The following INSRR variants were observed in gnomAD, a reference collection of about 807,000 sequenced individuals.
The protein encoded by INSRR is insulin receptor related receptor.
Under a neutral mutation model 130.0 loss-of-function variants are expected in INSRR, and 114 were observed. The observed-to-expected ratio is 0.88, with a 90% CI of 0.75 to 1.02. The LOEUF is 1.02. INSRR is among the 50% of genes least tolerant of loss of function. The pLI, the probability that INSRR is intolerant of heterozygous loss-of-function variation, is 0.00. For synonymous variants in INSRR, 674 were observed against 705.2 expected (o/e 0.96, Z 0.70); for missense variants, 1,657 against 1,735.2 (o/e 0.95, Z 0.80).
Position 156,853,888 on chromosome 1 carries a change from G to A in INSRR, c.501C>T (p.Ile167=), listed in dbSNP as rs369512155. 26 of 1,614,044 alleles carry A rather than the reference G, an allele frequency of 1.6e-5. No homozygotes were observed. In the African/African-American group the frequency reaches 2.0e-4, roughly 12 times the overall value. Reference sequence around the variant, plus strand: ...ACTCCTCGCCCAGCTTGTTGCCCACGATGTGGTTGGCGCCAGGTGCTGGCT... The same window carrying A: ...ACTCCTCGCCCAGCTTGTTGCCCACAATGTGGTTGGCGCCAGGTGCTGGCT... ...LLQPAPGANH[I]VGNKLGEECA... is the part of the protein sequence containing the mutation. The change falls in exon 2 of 22, where the codon ATC becomes ATT. Residue 167 remains isoleucine, a synonymous_variant. Transcript: ENST00000368195.
chr1:156,857,531 A>T (rs1234714875), intron 1 of INSRR, among the ~76,000 whole-genome samples: 1 of 152,140 alleles, frequency 6.6e-6, no homozygotes, highest in African/African-American at 2.4e-5. Context: ...CTGTCCTGAC[A>T]ACCACACTCC....
intron 8 of INSRR, 105 bp downstream of exon 8, chr1:156,846,414 G>A: frequency 1.1e-6 from 1 of 932,592 alleles, no homozygotes; most frequent in South Asian, 1.6e-5. Flanking sequence ...CAGCCTCTGT[G>A]GGCCAGGTGT....
chr1:156,841,752 C>A lies in INSRR; in HGVS notation c.3440G>T (p.Arg1147Leu), dbSNP rs1039215180. The stretch of plus-strand genomic sequence containing the variant: ...GGGCAGCAGCCCCTTCCCACCCTTG[C>A]GGTAATAGTCTGTCTCATACACGTC... The part of the protein sequence containing the change: ...TRDVYETDYY[R>L]KGGKGLLPVR... The change falls in exon 20 of 22, where the codon CGC becomes CTC. Residue 1147 changes from arginine (R) to leucine (L), a missense_variant. Arg to Leu is a moderately radical substitution (Grantham distance 102). Coordinates refer to ENST00000368195, the MANE Select transcript of INSRR (RefSeq NM_014215.3). 5 of 1,613,990 alleles carry A rather than the reference C, an allele frequency of 3.1e-6. No homozygotes were observed. The Admixed American group carries it at 5.0e-5, about 16-fold the overall frequency.
At chr1:156,842,575 C>G (rs768683236) in intron 17 of INSRR, 67 bp from the exon 18 acceptor site, 32 of 1,167,388 alleles carry the variant, frequency 2.7e-5, no homozygotes, top group Non-Finnish European at 3.8e-5. Flanking sequence ...AAATTCTGAT[C>G]TGCTATGACC....
At chr1:156,843,309 C>G (rs1654870385) in intron 16 of INSRR, 76 bp from the exon 17 acceptor site, 6 of 1,566,078 alleles carry the variant, frequency 3.8e-6, no homozygotes, top group Non-Finnish European at 5.3e-6. Flanking sequence ...CTCTTCTCCT[C>G]TTCTGAAGGG....
chr1:156,843,258 A>G (rs1654867322), intron 16 of INSRR, 25 bp from the exon 17 acceptor site: 1 of 1,607,960 alleles, frequency 6.2e-7, no homozygotes, highest in East Asian at 2.2e-5. Flanking sequence ...AGGGTCACAA[A>G]GCGAGGATGC....
In INSRR at chr1:156,845,788, C is replaced by G. The variant is rs759296297; in HGVS notation, c.2005G>C (p.Asp669His). 8 of 1,612,942 alleles carry G rather than the reference C, an allele frequency of 5.0e-6. No individual in the cohort carries two copies. In the East Asian group the frequency reaches 1.8e-4, roughly 36 times the overall value. ...RGLRLPTSNN[D>H]PRFDGEDGDP... ...CCGTCTTCGCCGTCGAAGCGCGGAT[C>G]GTTGTTGCTGGTGGGCAGCCGCAAG... Residue 669 changes from aspartate (D) to histidine (H), a missense_variant, in exon 10 of 22, where the codon GAT (aspartate) becomes CAT (histidine). Coordinates refer to ENST00000368195, the MANE Select transcript of INSRR (RefSeq NM_014215.3).
At position 156,851,413 on chromosome 1, in the gene INSRR, T is replaced by C; in HGVS notation, c.1106A>G (p.Gln369Arg). The change falls in exon 5 of 22, where the codon CAG (glutamine) becomes CGG (arginine). Residue 369 changes from glutamine to arginine, a missense_variant. Transcript: ENST00000368195. ...RQGYNLEPQL[Q>R]HSLGLVETIT... Reference sequence around the variant, plus strand: ...GGTTTCTACCAGCCCCAGGCTGTGCTGCAGCTGTGGCTCCAGGTTGTCTAG... The same window carrying C: ...GGTTTCTACCAGCCCCAGGCTGTGCCGCAGCTGTGGCTCCAGGTTGTCTAG... 1 of 1,614,182 alleles carries C rather than the reference T, an allele frequency of 6.2e-7. No individual in the cohort carries two copies.
At chr1:156,843,738 T>C (rs1399649606) in intron 15 of INSRR, among the ~76,000 whole-genome samples, 1 of 152,220 alleles carries the variant, frequency 6.6e-6, no homozygotes, top group East Asian at 1.9e-4. Context: ...GCCAAGCTGA[T>C]CGAGGTCCAG....
rs558387343 is a variant in INSRR, at chr1:156,846,767, C to A, written c.1572-10G>T. 1.2e-6 allele frequency: 2 copies of A among 1,608,108 alleles called. No homozygotes were observed. Among genetic ancestry groups the A allele is most frequent in the African/African-American group, 2.7e-5 (2 of 74,896 alleles). ...GGCGTTCTGGAATGGGCTGAACACC[C>A]ATCCCCAGAGCTGAGGGGTCATTCA... On this transcript the variant is annotated splice_polypyrimidine_tract_variant and intron_variant, in intron 7 of 21. Transcript: ENST00000368195.
At chr1:156,858,289 T>C (rs539433641) in intron 1 of INSRR, among the ~76,000 whole-genome samples, 49 of 152,226 alleles carry the variant, frequency 3.2e-4, no homozygotes, top group Non-Finnish European at 6.3e-4. Context: ...GTTTCACTAG[T>C]AGGGACGGAA....
chr1:156,845,853 T>C (rs755710831), intron 9 of INSRR, 39 bp from the exon 10 acceptor site: 4 of 1,577,510 alleles, frequency 2.5e-6, no homozygotes, highest in Non-Finnish European at 3.4e-6. Context: ...AGACAGGCGG[T>C]CTACCCGCCT....
In INSRR at chr1:156,849,387, T is replaced by C. The variant is rs1655125079; in HGVS notation, c.1303A>G (p.Ile435Val). The change falls in exon 6 of 22, where the codon ATT becomes GTT. Residue 435 changes from isoleucine (I) to valine (V), a missense_variant. By Grantham distance (29) the Ile-to-Val change is conservative. Coordinates refer to ENST00000368195, the MANE Select transcript of INSRR (RefSeq NM_014215.3). ...LGSWVAAGLTIPVGKIYFAFN... is the reference protein window; with the variant it reads ...LGSWVAAGLTVPVGKIYFAFN... Reference sequence around the variant, plus strand: ...GCGAAGTAGATCTTGCCCACGGGAATGGTGAGCCCCGCGGCCACCCAGGAC... The same window carrying C: ...GCGAAGTAGATCTTGCCCACGGGAACGGTGAGCCCCGCGGCCACCCAGGAC... 1.2e-6 allele frequency: 2 copies of C among 1,612,754 alleles called. No individual in the cohort carries two copies. Among genetic ancestry groups the C allele is most frequent in the Non-Finnish European group, 1.7e-6 (2 of 1,179,724 alleles).
intron 17 of INSRR, 75 bp from the exon 18 acceptor site, chr1:156,842,583 AC>A: frequency 9.1e-7 from 1 of 1,101,876 alleles, no homozygotes; most frequent in Non-Finnish European, 1.4e-6. Context: ...ATCTGCTATG[AC>A]CACAGTCTGA....
rs1215089934 is a variant in INSRR, at chr1:156,845,280, G to A, written c.2233C>T (p.Arg745Cys). The change falls in exon 12 of 22, where the codon CGC (arginine) becomes TGC (cysteine). Residue 745 changes from arginine (R) to cysteine (C), a missense_variant. Transcript: ENST00000368195. ...AGCCGGAGGGGCCCAGCTGCCCGGC[G>A]GTGCCGCCCTGAGTCCCTGGGGAGA... ...KSPQRDSGRH[R>C]RAAGPLRLGG... 6.2e-7 allele frequency: 1 copy of A among 1,612,474 alleles called. No homozygotes were observed. Among genetic ancestry groups the A allele is most frequent in the Non-Finnish European group, 8.5e-7 (1 of 1,179,362 alleles).
In INSRR at chr1:156,845,741, C is replaced by G; in HGVS notation, c.2052G>C (p.Glu684Asp). The G allele has an allele frequency of 6.2e-7, 1 of 1,613,690 alleles. No homozygotes were observed. The highest frequency in any genetic ancestry group is 8.5e-7 in the Non-Finnish European group (1 of 1,179,928). Residue 684 changes from glutamate (E) to aspartate (D), a missense_variant, in exon 10 of 22, where the codon GAG becomes GAC. Coordinates refer to ENST00000368195, the MANE Select transcript of INSRR (RefSeq NM_014215.3). The stretch of plus-strand genomic sequence containing the variant: ...GGTGCTGGCAAGGGCAGCAGTCGGA[C>G]TCCATCTCGGCCTCAGGATCCCCGT... ...GEDGDPEAEM[E>D]SDCCPCQHPP...
At position 156,840,961 on chromosome 1, in the gene INSRR, C is replaced by A; in HGVS notation, c.3806G>T (p.Arg1269Leu). The change falls in exon 22 of 22, where the codon CGG (arginine) becomes CTG (leucine). Residue 1269 changes from arginine (R) to leucine (L), a missense_variant. Transcript: ENST00000368195. ...FYYSPECRGA[R>L]GSLPTTDAEP... ...TGCATCGGTGGTAGGCAGGGAGCCC[C>A]GGGCCCCCCGGCATTCCGGGCTGTA... is the stretch of plus-strand genomic sequence containing the variant. The A allele has an allele frequency of 6.2e-7, 1 of 1,613,834 alleles. No individual in the cohort carries two copies. Among genetic ancestry groups the A allele is most frequent in the Admixed American group, 1.7e-5 (1 of 59,992 alleles).
rs1385024665 is a variant in INSRR at position 156,845,213 on chromosome 1, A to C, written c.2300T>G (p.Val767Gly). 6.2e-7 allele frequency: 1 copy of C among 1,609,622 alleles called. No individual in the cohort carries two copies. The highest frequency in any genetic ancestry group is 1.1e-5 in the South Asian group (1 of 90,352). ...SSDFEIQEDK[V>G]PRERAVLSGL... ...GCTCAGCACCGCTCGCTCACGGGGCACCTTGTCCTCCTGGATCTCGAAATC... is the reference window on the plus strand; with the variant it reads ...GCTCAGCACCGCTCGCTCACGGGGCCCCTTGTCCTCCTGGATCTCGAAATC... The change falls in exon 12 of 22, where the codon GTG becomes GGG. Residue 767 changes from valine (V) to glycine (G), a missense_variant. Transcript: ENST00000368195.
At chr1:156,851,200 G>T in intron 5 of INSRR, 90 bp downstream of exon 5, 3 of 1,468,234 alleles carry the variant, frequency 2.0e-6, no homozygotes, top group South Asian at 1.1e-5. Context: ...TAGCAAAATT[G>T]GTTCCAGAGC....
Sources: gnomAD v4.1 joint callset for allele counts (sites outside exome capture counted in the v4.1 genomes callset) on GRCh38, gnomAD v4.1.1 for gene constraint, MANE v1.5 for transcripts, NCBI Gene and HGNC (gene_info 2026-07-23, HGNC 2026-07-21) for gene names.